TMEM39B: variants seen among roughly 807,000 people sequenced by gnomAD.
TMEM39B encodes the protein transmembrane protein 39B.
A neutral mutation model predicts 52.2 loss-of-function variants in TMEM39B; 23 were observed. The ratio of observed to expected loss-of-function variants is 0.44; its 90% CI spans 0.32 to 0.62. The LOEUF (loss-of-function observed/expected upper bound fraction) is 0.62, where lower values mean the gene tolerates loss of function less well. Ranked by LOEUF, TMEM39B falls within the 20% of genes least tolerant of loss-of-function variation. The probability of loss-of-function intolerance (pLI) is 0.06; values close to 1 mark genes in which losing one functional copy is unlikely to be tolerated. For synonymous variants in TMEM39B, 285 were observed against 264.0 expected (o/e 1.08, Z -0.77); for missense variants, 547 against 642.0 (o/e 0.85, Z 1.60).
intron 4 of TMEM39B, 128 bp from the exon 5 acceptor site, chr1:32,077,036 A>G: frequency 2.2e-6 from 3 of 1,391,282 alleles, no homozygotes; most frequent in Non-Finnish European, 9.9e-7. Flanking sequence ...TTACCTTGCC[A>G]GGTTCTGCCC....
chr1:32,098,940 T>G (rs540974383), intron 7 of TMEM39B, among the ~76,000 whole-genome samples: 1 of 152,004 alleles, frequency 6.6e-6, no homozygotes, highest in Non-Finnish European at 1.5e-5. Flanking sequence ...TAGCAGGAGA[T>G]GCAGGGAACA....
intron 5 of TMEM39B, among the ~76,000 whole-genome samples, chr1:32,084,020 C>G (rs1243363136): frequency 6.6e-6 from 1 of 152,110 alleles, no homozygotes; most frequent in Non-Finnish European, 1.5e-5. Flanking sequence ...CACAAATGTT[C>G]CTAGTGTCAA....
At chr1:32,073,400 G>T in intron 1 of TMEM39B, 2 of 427,294 alleles carry the variant, frequency 4.7e-6, no homozygotes, top group Non-Finnish European at 3.5e-6. Flanking sequence ...TGCAGTCGGC[G>T]TTTCTGGGTT....
intron 5 of TMEM39B, among the ~76,000 whole-genome samples, chr1:32,079,167 A>G (rs7512015): frequency 0.14 from 20,143 of 148,938 alleles, 1,856 homozygotes; most frequent in South Asian, 0.26. Context: ...CAGGAGTTTT[A>G]ACCTGTTCTA....
At chr1:32,075,463 G>C in intron 2 of TMEM39B, 140 bp from the exon 3 acceptor site, 1 of 859,468 alleles carries the variant, frequency 1.2e-6, no homozygotes, top group Non-Finnish European at 1.7e-6. Flanking sequence ...GGGTTCCTTT[G>C]TCTGACAAGC....
At chr1:32,080,832 A>G (rs1317887213) in intron 5 of TMEM39B, among the ~76,000 whole-genome samples, 1 of 152,088 alleles carries the variant, frequency 6.6e-6, no homozygotes, top group Admixed American at 6.6e-5. Context: ...ATATAAACAT[A>G]TTGTAAAAAA....
chr1:32,079,842 TC>T (rs1261880653), intron 5 of TMEM39B, among the ~76,000 whole-genome samples: 3 of 151,864 alleles, frequency 2.0e-5, no homozygotes, highest in African/African-American at 7.3e-5. Context: ...CAATCTTGGC[TC>T]ACTGCAGCCT....
intron 2 of TMEM39B, 145 bp from the exon 3 acceptor site, chr1:32,075,458 C>T (rs1168877486): frequency 1.7e-5 from 14 of 820,576 alleles, no homozygotes; most frequent in Non-Finnish European, 2.6e-5. Context: ...TTGTCGGGTT[C>T]CTTTGTCTGA....
chr1:32,085,390 T>C (rs185054328), intron 5 of TMEM39B, among the ~76,000 whole-genome samples: 1 of 152,270 alleles, frequency 6.6e-6, no homozygotes, highest in Non-Finnish European at 1.5e-5. Context: ...AGCAATCATA[T>C]TTTTCATCTC....
At chr1:32,081,002 C>T (rs1190358641) in intron 5 of TMEM39B, among the ~76,000 whole-genome samples, 1 of 151,732 alleles carries the variant, frequency 6.6e-6, no homozygotes, top group Non-Finnish European at 1.5e-5. Flanking sequence ...TGCACTTCAG[C>T]GTGGACAACA....
chr1:32,095,114 T>TG, intron 7 of TMEM39B, 143 bp downstream of exon 7: 1 of 935,980 alleles, frequency 1.1e-6, no homozygotes, highest in South Asian at 1.6e-5. Flanking sequence ...GTGTCCAGGG[T>TG]GGGGTATGGT....
intron 5 of TMEM39B, 24 bp downstream of exon 5, chr1:32,077,342 T>C (rs773780464): frequency 6.2e-7 from 1 of 1,613,566 alleles, no homozygotes; most frequent in South Asian, 1.1e-5. Flanking sequence ...ACTTCACCCC[T>C]CACTGCCCAG....
intron 7 of TMEM39B, 117 bp downstream of exon 7, chr1:32,095,088 T>C (rs1640765453): frequency 8.0e-7 from 1 of 1,253,300 alleles, no homozygotes; most frequent in Non-Finnish European, 1.1e-6. Flanking sequence ...GCGTGTCTTG[T>C]ATATTATTAG....
chr1:32,094,748 G>A, intron 6 of TMEM39B, 36 bp from the exon 7 acceptor site: 1 of 1,609,106 alleles, frequency 6.2e-7, no homozygotes, highest in Non-Finnish European at 8.5e-7. Flanking sequence ...GCCATTATGG[G>A]GATCCCAGGC....
intron 5 of TMEM39B, among the ~76,000 whole-genome samples, chr1:32,087,276 C>T (rs1351986374): frequency 5.0e-5 from 7 of 139,394 alleles, no homozygotes; most frequent in Admixed American, 8.0e-5. Context: ...CGAGAATGCA[C>T]GACTGTACTC....
At chr1:32,077,897 G>T (rs1639934063) in intron 5 of TMEM39B, among the ~76,000 whole-genome samples, 2 of 152,190 alleles carry the variant, frequency 1.3e-5, no homozygotes, top group Admixed American at 1.3e-4. Context: ...AGGATGGAGA[G>T]ACTGTTTCGG....
intron 5 of TMEM39B, 123 bp downstream of exon 5, chr1:32,077,441 A>G: frequency 2.4e-6 from 3 of 1,225,482 alleles, no homozygotes; most frequent in Non-Finnish European, 3.4e-6. Flanking sequence ...ACATCCTCTC[A>G]CATTGTCAGA....
intron 2 of TMEM39B, among the ~76,000 whole-genome samples, 169 bp downstream of exon 2, chr1:32,075,246 G>A (rs978082718): frequency 2.0e-5 from 3 of 152,246 alleles, no homozygotes; most frequent in African/African-American, 7.2e-5. Context: ...GTGATCACTT[G>A]GACAGATGCA....
chr1:32,077,347 G>A, intron 5 of TMEM39B, 29 bp downstream of exon 5: 6 of 1,612,974 alleles, frequency 3.7e-6, no homozygotes, highest in Non-Finnish European at 5.1e-6. Context: ...ACCCCTCACT[G>A]CCCAGCACCT....
Sources: allele counts gnomAD v4.1 joint callset (sites outside exome capture counted in the v4.1 genomes callset), GRCh38; gene constraint gnomAD v4.1.1; transcripts MANE v1.5; gene names NCBI Gene and HGNC (gene_info 2026-07-23, HGNC 2026-07-21).